ROBO1: variants seen among roughly 807,000 people sequenced by gnomAD.
The protein encoded by ROBO1 is roundabout guidance receptor 1, also known as roundabout homolog 1.
Under a neutral mutation model 195.9 loss-of-function variants are expected in ROBO1, and 149 were observed. That is an observed-to-expected ratio of 0.76 (90% CI 0.67 to 0.87). The LOEUF (loss-of-function observed/expected upper bound fraction) is 0.87, where lower values mean the gene tolerates loss of function less well. ROBO1 is among the 40% of genes least tolerant of loss of function. The pLI is 0.00. For missense variants in ROBO1, 1,933 were observed against 2,068.3 expected (o/e 0.93, Z 1.27); for synonymous variants, 816 against 733.2 (o/e 1.11, Z -1.82).
intron 2 of ROBO1, among the ~76,000 whole-genome samples, chr3:79,552,284 A>C (rs961142296): frequency 6.6e-6 from 1 of 152,058 alleles, no homozygotes; most frequent in South Asian, 2.1e-4. Context: ...GATGCAGAAA[A>C]GATGCACACA....
chr3:79,036,843 G>A (rs1319942775), intron 3 of ROBO1, among the ~76,000 whole-genome samples: 1 of 151,958 alleles, frequency 6.6e-6, no homozygotes, highest in Non-Finnish European at 1.5e-5. Flanking sequence ...ACACACAAGG[G>A]GTGAAAACTT....
At chr3:79,528,608 C>G (rs1941529461) in intron 2 of ROBO1, among the ~76,000 whole-genome samples, 1 of 152,112 alleles carries the variant, frequency 6.6e-6, no homozygotes, top group Non-Finnish European at 1.5e-5. Flanking sequence ...TTACTAGTGT[C>G]TGTGCAATAT....
intron 2 of ROBO1, among the ~76,000 whole-genome samples, chr3:79,206,917 A>C (rs570140215): frequency 1.3e-5 from 2 of 152,194 alleles, no homozygotes; most frequent in African/African-American, 4.8e-5. Context: ...ATATGTTACA[A>C]TTTGAAGCTA....
At position 78,773,677 on chromosome 3, in the gene ROBO1, G is replaced by A. The variant is rs560945055; in HGVS notation, c.500-26777C>T. Among the ~76,000 whole-genome samples, 13 of 152,130 alleles carry A rather than the reference G, an allele frequency of 8.5e-5. No homozygotes were observed. In the South Asian group the frequency reaches 2.1e-3, roughly 24 times the overall value. ...AAAAAAGACACTTTGTGATGACTTA[G>A]TCTACACTCTGTCATGTGCTAGACA... On this transcript the variant is annotated intron_variant, in intron 4 of 30. Transcript: ENST00000464233.
intron 2 of ROBO1, among the ~76,000 whole-genome samples, chr3:79,579,608 T>C (rs961526188): frequency 6.6e-6 from 1 of 152,230 alleles, no homozygotes; most frequent in African/African-American, 2.4e-5. Context: ...TTGGCAGTTA[T>C]ATTCTTTTCT....
At chr3:79,073,579 T>C (rs948529852) in intron 3 of ROBO1, among the ~76,000 whole-genome samples, 6 of 151,840 alleles carry the variant, frequency 4.0e-5, no homozygotes, top group African/African-American at 1.2e-4. Context: ...TTATGGACAG[T>C]ACTGAAAGAA....
At chr3:79,311,343 G>A (rs1208310825) in intron 2 of ROBO1, among the ~76,000 whole-genome samples, 3 of 152,044 alleles carry the variant, frequency 2.0e-5, no homozygotes, top group South Asian at 4.1e-4. Flanking sequence ...ATACTAAAAA[G>A]TACGCGATAC....
chr3:79,109,342 C>G (rs2079842958), intron 3 of ROBO1, among the ~76,000 whole-genome samples: 1 of 151,840 alleles, frequency 6.6e-6, no homozygotes, highest in South Asian at 2.1e-4. Flanking sequence ...GTTAATGTCT[C>G]AAAACTCTTT....
At chr3:78,753,828 A>C (rs1185085583) in intron 4 of ROBO1, among the ~76,000 whole-genome samples, 3 of 152,200 alleles carry the variant, frequency 2.0e-5, no homozygotes, top group Admixed American at 6.5e-5. Context: ...TCACCAAAGT[A>C]AGTCAAATGG....
chr3:78,685,696 G>C (rs1373032730), intron 10 of ROBO1, 50 bp downstream of exon 10: 2 of 1,380,138 alleles, frequency 1.4e-6, no homozygotes, highest in African/African-American at 2.9e-5. Flanking sequence ...ACCCTCTCTG[G>C]ATCCTAAGTC....
In ROBO1 at chr3:78,717,768, ACAGT is replaced by A. The variant is rs761322350; in HGVS notation, c.769_772del (p.Thr257SerfsTer2). The A allele has an allele frequency of 6.2e-7, 1 of 1,613,478 alleles. No individual in the cohort carries two copies. The highest frequency in any genetic ancestry group is 8.5e-7 in the Non-Finnish European group (1 of 1,179,606). ...TTAAATAAAATTACACTTACCTAAG[ACAGT>A]CAGCTCGGCTACTTCACTCTCACGT... On this transcript the variant is annotated frameshift_variant, in exon 6 of 31. Coordinates refer to ENST00000464233, the MANE Select transcript of ROBO1 (RefSeq NM_002941.4). LOFTEE classifies it high-confidence loss of function.
intron 2 of ROBO1, among the ~76,000 whole-genome samples, chr3:79,151,856 T>A (rs998087908): frequency 6.6e-6 from 1 of 151,846 alleles, no homozygotes; most frequent in Admixed American, 6.6e-5. Context: ...CTCCTGCTCA[T>A]CTTTCGGTCT....
intron 2 of ROBO1, among the ~76,000 whole-genome samples, chr3:79,462,336 G>A (rs538538535): frequency 3.9e-5 from 6 of 152,280 alleles, no homozygotes; most frequent in South Asian, 2.1e-4. Context: ...TATGAACTAC[G>A]CTGGATGATA....
At chr3:79,655,970 T>A (rs1180484972) in intron 1 of ROBO1, among the ~76,000 whole-genome samples, 1 of 152,062 alleles carries the variant, frequency 6.6e-6, no homozygotes, top group Non-Finnish European at 1.5e-5. Flanking sequence ...TGGATATTCA[T>A]TAATAAATCA....
At chr3:78,793,027 C>T (rs549926081) in intron 4 of ROBO1, among the ~76,000 whole-genome samples, 1 of 151,542 alleles carries the variant, frequency 6.6e-6, no homozygotes, top group Non-Finnish European at 1.5e-5. Context: ...CAGGCTGAGG[C>T]AGGAGGGTCA....
intron 18 of ROBO1, 48 bp from the exon 19 acceptor site, chr3:78,651,977 A>C: frequency 7.0e-7 from 1 of 1,431,494 alleles, no homozygotes; most frequent in Non-Finnish European, 9.7e-7. Context: ...TCAATGCAAT[A>C]ATGCACGCAC....
intron 7 of ROBO1, 28 bp downstream of exon 7, chr3:78,717,247 A>G: frequency 2.6e-6 from 4 of 1,523,442 alleles, no homozygotes; most frequent in Non-Finnish European, 3.5e-6. Flanking sequence ...TGAGTTGACA[A>G]ATCATATCAT....
intron 2 of ROBO1, among the ~76,000 whole-genome samples, chr3:79,295,667 G>A (rs1026647108): frequency 2.0e-5 from 3 of 151,676 alleles, no homozygotes; most frequent in Admixed American, 6.6e-5. Flanking sequence ...ATGAATCAAC[G>A]AATAGTCCAT....
At chr3:79,127,274 A>G (rs543454112) in intron 2 of ROBO1, among the ~76,000 whole-genome samples, 49 of 152,314 alleles carry the variant, frequency 3.2e-4, no homozygotes, top group African/African-American at 9.9e-4. Context: ...GGCAGTGTTC[A>G]CAATGTTCTG....
Sources: gnomAD v4.1 joint callset for allele counts (sites outside exome capture counted in the v4.1 genomes callset) on GRCh38, gnomAD v4.1.1 for gene constraint, MANE v1.5 for transcripts, NCBI Gene and HGNC (gene_info 2026-07-23, HGNC 2026-07-21) for gene names.